Variants in FAF1 observed in about 807,000 individuals in gnomAD.
FAF1 encodes the protein FAS-associated factor 1.
FAF1 carries 25 observed loss-of-function variants against 92.5 expected under a neutral mutation model. The observed-to-expected ratio is 0.27, with a 90% CI of 0.20 to 0.38. The LOEUF (loss-of-function observed/expected upper bound fraction) is 0.38, where lower values mean the gene tolerates loss of function less well. Ranked by LOEUF, FAF1 falls within the 10% of genes least tolerant of loss-of-function variation. FAF1 has a pLI of 1.00. For synonymous variants in FAF1, 234 were observed against 273.2 expected (o/e 0.86, Z 1.42); for missense variants, 636 against 793.3 (o/e 0.80, Z 2.38).
rs760601096 is a variant in FAF1, at chr1:50,681,556, C to T, written c.657+24230G>A. Among the ~76,000 whole-genome samples the T allele has an allele frequency of 5.8e-4, 88 of 151,806 alleles. 1 individual carries two copies. Among genetic ancestry groups the T allele is most frequent in the Admixed American group, 1.4e-3 (22 of 15,228 alleles). On this transcript the variant is annotated intron_variant, in intron 7 of 18. Transcript: ENST00000396153. ...GAGTTTCACTCTTGTTGCCCATGCTCGAGTGCAATGGCGCAATCTCGTCTC... is the reference window on the plus strand; with the variant it reads ...GAGTTTCACTCTTGTTGCCCATGCTTGAGTGCAATGGCGCAATCTCGTCTC...
chr1:50,811,719 C>T (rs562410691), intron 2 of FAF1, among the ~76,000 whole-genome samples: 33 of 152,216 alleles, frequency 2.2e-4, no homozygotes, highest in African/African-American at 7.7e-4. Context: ...TTTTAAAATT[C>T]ATATGGAACC....
chr1:50,790,964 TTC>T (rs1661541667), intron 3 of FAF1, among the ~76,000 whole-genome samples: 2 of 152,150 alleles, frequency 1.3e-5, no homozygotes, highest in Non-Finnish European at 2.9e-5. Flanking sequence ...AAACTTTTTA[TTC>T]TGTTACATAG....
intron 2 of FAF1, among the ~76,000 whole-genome samples, 168 bp from the exon 3 acceptor site, chr1:50,801,845 A>C (rs566932897): frequency 2.6e-5 from 4 of 152,334 alleles, no homozygotes; most frequent in Non-Finnish European, 5.9e-5. Context: ...TATATTTCTC[A>C]GTTATAAAAT....
chr1:50,607,510 A>G (rs1404107496), intron 8 of FAF1, among the ~76,000 whole-genome samples: 1 of 150,752 alleles, frequency 6.6e-6, no homozygotes, highest in Non-Finnish European at 1.5e-5. Context: ...TCTTTGCTCA[A>G]TGATCCAAAA....
chr1:50,613,183 A>C (rs181963473), intron 8 of FAF1, among the ~76,000 whole-genome samples: 2 of 152,360 alleles, frequency 1.3e-5, no homozygotes, highest in African/African-American at 4.8e-5. Flanking sequence ...AAACCACTCC[A>C]AAGTGAGATA....
chr1:50,651,416 C>A (rs1444612128), intron 8 of FAF1, among the ~76,000 whole-genome samples: 1 of 152,016 alleles, frequency 6.6e-6, no homozygotes, highest in Non-Finnish European at 1.5e-5. Context: ...TTTTCATCAC[C>A]CCAAATCCAT....
intron 7 of FAF1, among the ~76,000 whole-genome samples, chr1:50,688,158 A>T (rs1396221875): frequency 5.3e-5 from 8 of 151,966 alleles, no homozygotes; most frequent in African/African-American, 1.9e-4. Context: ...TAAATAAATA[A>T]AAATAAAAAT....
intron 8 of FAF1, among the ~76,000 whole-genome samples, chr1:50,638,917 A>G (rs1375206489): frequency 2.6e-5 from 4 of 152,248 alleles, no homozygotes; most frequent in African/African-American, 9.6e-5. Flanking sequence ...AATAAGCACA[A>G]ACACAATTCT....
At chr1:50,907,640 C>T (rs1277126412) in intron 1 of FAF1, among the ~76,000 whole-genome samples, 2 of 152,114 alleles carry the variant, frequency 1.3e-5, no homozygotes, top group Non-Finnish European at 2.9e-5. Flanking sequence ...TTATCCATTT[C>T]TTCTAGATTT....
intron 1 of FAF1, among the ~76,000 whole-genome samples, chr1:50,935,290 C>A (rs1223852251): frequency 6.6e-6 from 1 of 152,176 alleles, no homozygotes; most frequent in Non-Finnish European, 1.5e-5. Context: ...GAAGGATGAT[C>A]ATTACAAATC....
Position 50,584,792 on chromosome 1 carries a change from A to AT in FAF1, c.859dup (p.Met287AsnfsTer3). The AT allele has an allele frequency of 6.2e-7, 1 of 1,613,444 alleles. No individual in the cohort carries two copies. The highest frequency in any genetic ancestry group is 8.5e-7 in the Non-Finnish European group (1 of 1,179,556). On this transcript the variant is annotated frameshift_variant, in exon 10 of 19. Transcript: ENST00000396153. LOFTEE classifies it high-confidence loss of function. ...GTCATCTCCATCGCTATCACTAACC[A>AT]TATGAACATCGGTGATTTGCTATTT...
chr1:50,923,190 G>A (rs1273774053), intron 1 of FAF1, among the ~76,000 whole-genome samples: 1 of 152,152 alleles, frequency 6.6e-6, no homozygotes, highest in Non-Finnish European at 1.5e-5. Context: ...AGGCTGAGGT[G>A]GAAGGATTGC....
chr1:50,585,444 T>C (rs1219954667), intron 9 of FAF1, among the ~76,000 whole-genome samples: 2 of 152,200 alleles, frequency 1.3e-5, no homozygotes, highest in East Asian at 3.8e-4. Flanking sequence ...CACTGATGAA[T>C]ATGCTCTGTT....
intron 7 of FAF1, among the ~76,000 whole-genome samples, chr1:50,703,950 G>A (rs1024395831): frequency 3.9e-5 from 6 of 151,992 alleles, no homozygotes; most frequent in Non-Finnish European, 7.4e-5. Context: ...ACTCGATTTC[G>A]GAAATATTTG....
intron 6 of FAF1, among the ~76,000 whole-genome samples, chr1:50,732,896 T>C (rs1420985153): frequency 1.3e-5 from 2 of 151,914 alleles, no homozygotes; most frequent in East Asian, 3.8e-4. Context: ...TTTACTTCTT[T>C]TTTTTTTTAG....
At chr1:50,451,738 G>A in intron 18 of FAF1, 1 of 552,868 alleles carries the variant, frequency 1.8e-6, no homozygotes, top group Non-Finnish European at 2.3e-6. Context: ...GGTCTTTAGA[G>A]GTCATCTCTG....
At chr1:50,892,683 C>T (rs1173793393) in intron 1 of FAF1, among the ~76,000 whole-genome samples, 1 of 152,170 alleles carries the variant, frequency 6.6e-6, no homozygotes, top group Non-Finnish European at 1.5e-5. Flanking sequence ...GTTGAATCAG[C>T]TTGGTGTTCT....
chr1:50,633,665 T>A (rs568209535), intron 8 of FAF1, among the ~76,000 whole-genome samples: 1 of 152,300 alleles, frequency 6.6e-6, no homozygotes, highest in South Asian at 2.1e-4. Flanking sequence ...CAGAATCCCA[T>A]AAAAGCCAGG....
At chr1:50,869,798 A>C (rs1330461493) in intron 1 of FAF1, among the ~76,000 whole-genome samples, 1 of 152,088 alleles carries the variant, frequency 6.6e-6, no homozygotes, top group Non-Finnish European at 1.5e-5. Context: ...TTTCTGGCTT[A>C]TAAGTTCTAT....
Sources: allele counts gnomAD v4.1 joint callset (sites outside exome capture counted in the v4.1 genomes callset), GRCh38; gene constraint gnomAD v4.1.1; transcripts MANE v1.5; gene names NCBI Gene and HGNC (gene_info 2026-07-23, HGNC 2026-07-21).